RFTN2: variants seen among roughly 807,000 people sequenced by gnomAD.
The protein encoded by RFTN2 is raftlin family member 2, also known as raftlin-2.
In RFTN2, 34 loss-of-function variants were observed where a neutral mutation model predicts 52.7. That is an observed-to-expected ratio of 0.64 (90% CI 0.49 to 0.86). The LOEUF (loss-of-function observed/expected upper bound fraction) is 0.86. RFTN2 is among the 40% of genes least tolerant of loss of function. The pLI is 0.00. For missense variants in RFTN2, 536 were observed against 600.1 expected, an observed-to-expected ratio of 0.89 and a Z score of 1.12; for synonymous variants, 203 against 217.7, an observed-to-expected ratio of 0.93 and a Z score of 0.59.
chr2:197,605,419 G>T (rs1178804365), intron 7 of RFTN2, among the ~76,000 whole-genome samples: 1 of 151,974 alleles, frequency 6.6e-6, no homozygotes, highest in Non-Finnish European at 1.5e-5. Context: ...GTTTCACTGT[G>T]TTAGCCAGGA....
At chr2:197,618,072 C>T (rs2088177033) in intron 5 of RFTN2, 151 bp from the exon 6 acceptor site, 2 of 372,524 alleles carry the variant, frequency 5.4e-6, no homozygotes, top group South Asian at 3.0e-5. Flanking sequence ...CCCTCTCCCT[C>T]TCCCTCTCCC....
At chr2:197,659,155 G>A (rs1490234079) in intron 1 of RFTN2, among the ~76,000 whole-genome samples, 2 of 152,094 alleles carry the variant, frequency 1.3e-5, no homozygotes, top group Non-Finnish European at 2.9e-5. Context: ...ACATACATAT[G>A]TTCTTTCCAC....
intron 7 of RFTN2, among the ~76,000 whole-genome samples, chr2:197,608,959 A>C (rs1019354882): frequency 1.3e-5 from 2 of 152,172 alleles, no homozygotes; most frequent in African/African-American, 2.4e-5. Flanking sequence ...AAAGGACATG[A>C]ACTCATCCTT....
rs1412730595 is a variant in RFTN2, at chr2:197,617,911, C to G, written c.939G>C (p.Leu313Phe). 5.0e-6 allele frequency: 8 copies of G among 1,605,740 alleles called. No individual in the cohort carries two copies. In the Middle Eastern group the frequency reaches 5.0e-4, roughly 100 times the overall value. ...TAAAAAATCCTTCCAAAGATTTAGGCAAATGTTCCCCTGTGAGGAAGAGGG... is the reference window on the plus strand; with the variant it reads ...TAAAAAATCCTTCCAAAGATTTAGGGAAATGTTCCCCTGTGAGGAAGAGGG... ...VFWETSKGEH[L>F]PKSLEGFFIY... The change falls in exon 6 of 9, where the codon TTG becomes TTC. Residue 313 changes from leucine (L) to phenylalanine (F), a missense_variant. Coordinates refer to ENST00000295049, the MANE Select transcript of RFTN2 (RefSeq NM_144629.3).
In RFTN2 at chr2:197,578,566, A is replaced by T. The variant is rs569458939; in HGVS notation, c.1234-6286T>A. Reference sequence around the variant, plus strand: ...TGGCTCAGAAATTCCCCTACTGAGCACCTTGTGACCCCCAGCCCTGCCCGC... The same window carrying T: ...TGGCTCAGAAATTCCCCTACTGAGCTCCTTGTGACCCCCAGCCCTGCCCGC... On this transcript the variant is annotated intron_variant, in intron 8 of 8. Transcript: ENST00000295049. 2.0e-5 allele frequency among the ~76,000 whole-genome samples: 3 copies of T among 152,188 alleles called. No homozygotes were observed. The South Asian group carries it at 6.2e-4, about 32-fold the overall frequency.
intron 8 of RFTN2, among the ~76,000 whole-genome samples, chr2:197,593,786 C>A (rs1489831069): frequency 1.3e-5 from 2 of 150,266 alleles, no homozygotes; most frequent in Non-Finnish European, 3.0e-5. Context: ...ACTCGGGAGG[C>A]TGAGGCAGGA....
chr2:197,609,806 G>A (rs555809893), intron 7 of RFTN2, among the ~76,000 whole-genome samples: 1 of 152,264 alleles, frequency 6.6e-6, no homozygotes, highest in African/African-American at 2.4e-5. Flanking sequence ...AAGATGTAGG[G>A]AAGGGATCCA....
chr2:197,637,417 C>A (rs1432525675), intron 3 of RFTN2, among the ~76,000 whole-genome samples: 10 of 151,182 alleles, frequency 6.6e-5, no homozygotes, highest in Admixed American at 4.6e-4. Flanking sequence ...ACAATTTCAG[C>A]TCCTGTTATT....
At chr2:197,580,436 G>A (rs1205982169) in intron 8 of RFTN2, among the ~76,000 whole-genome samples, 2 of 152,194 alleles carry the variant, frequency 1.3e-5, no homozygotes, top group Admixed American at 1.3e-4. Context: ...CCGCAGCCTG[G>A]GATTCCTCCT....
intron 1 of RFTN2, among the ~76,000 whole-genome samples, chr2:197,656,633 G>A (rs1375026507): frequency 1.3e-5 from 2 of 152,056 alleles, no homozygotes; most frequent in Non-Finnish European, 2.9e-5. Flanking sequence ...AAAAATCTCT[G>A]GGAAGATCAT....
chr2:197,644,349 G>T, intron 2 of RFTN2, 77 bp from the exon 3 acceptor site: 1 of 776,462 alleles, frequency 1.3e-6, no homozygotes, highest in South Asian at 1.5e-5. Context: ...GAAAATGAGT[G>T]AGCAACTCAC....
At chr2:197,614,730 C>A (rs2088114595) in intron 7 of RFTN2, among the ~76,000 whole-genome samples, 1 of 152,214 alleles carries the variant, frequency 6.6e-6, no homozygotes, top group African/African-American at 2.4e-5. Flanking sequence ...ACAAGCCACA[C>A]CCCTGTCACA....
chr2:197,600,895 G>A (rs570516130), intron 7 of RFTN2, among the ~76,000 whole-genome samples: 4 of 152,326 alleles, frequency 2.6e-5, no homozygotes, highest in Non-Finnish European at 5.9e-5. Context: ...GCTTGATTTA[G>A]AGATAGTAAT....
At chr2:197,622,393 C>G (rs1348209078) in intron 5 of RFTN2, among the ~76,000 whole-genome samples, 1 of 152,168 alleles carries the variant, frequency 6.6e-6, no homozygotes, top group African/African-American at 2.4e-5. Context: ...CAACCTCTAC[C>G]TCCCCAGGCT....
At chr2:197,629,924 A>G (rs550972460) in intron 5 of RFTN2, among the ~76,000 whole-genome samples, 9 of 152,132 alleles carry the variant, frequency 5.9e-5, no homozygotes, top group Admixed American at 5.9e-4. Context: ...AGGTTTCGCC[A>G]TATTGCCCAG....
intron 3 of RFTN2, among the ~76,000 whole-genome samples, chr2:197,640,105 T>G (rs958859491): frequency 6.6e-6 from 1 of 152,206 alleles, no homozygotes; most frequent in African/African-American, 2.4e-5. Flanking sequence ...TTCTCAGATC[T>G]CCAGCTGCGT....
chr2:197,640,198 G>A (rs942941761), intron 3 of RFTN2, among the ~76,000 whole-genome samples: 3 of 152,212 alleles, frequency 2.0e-5, no homozygotes, highest in African/African-American at 7.2e-5. Context: ...TTTTGTCTGT[G>A]CCCTGCCCCC....
chr2:197,645,908 C>T (rs1435113152), intron 2 of RFTN2, among the ~76,000 whole-genome samples: 1 of 152,116 alleles, frequency 6.6e-6, no homozygotes, highest in Non-Finnish European at 1.5e-5. Context: ...AGCCTGTAAT[C>T]CCAGCTACTT....
intron 5 of RFTN2, among the ~76,000 whole-genome samples, chr2:197,618,231 G>A (rs1176719961): frequency 1.3e-5 from 2 of 152,012 alleles, no homozygotes; most frequent in African/African-American, 2.4e-5. Context: ...GATTGCAGGC[G>A]CGCGCCGCCA....
Sources: gnomAD v4.1 joint callset for allele counts (sites outside exome capture counted in the v4.1 genomes callset) on GRCh38, gnomAD v4.1.1 for gene constraint, MANE v1.5 for transcripts, NCBI Gene and HGNC (gene_info 2026-07-23, HGNC 2026-07-21) for gene names.